Variants in TASOR2 observed in about 807,000 individuals in gnomAD.
The protein encoded by TASOR2 is transcription activation suppressor family member 2, also known as protein TASOR 2.
TASOR2 carries 84 observed loss-of-function variants against 199.5 expected under a neutral mutation model. The observed-to-expected ratio is 0.42, with a 90% CI of 0.35 to 0.50. The LOEUF (loss-of-function observed/expected upper bound fraction) is 0.50, where lower values mean the gene tolerates loss of function less well. Ranked by LOEUF, TASOR2 falls within the 20% of genes least tolerant of loss-of-function variation. TASOR2 has a pLI of 0.02. For missense variants in TASOR2, 2,796 were observed against 2,835.9 expected (o/e 0.99, Z 0.32); for synonymous variants, 1,103 against 1,046.6 (o/e 1.05, Z -1.04).
intron 1 of TASOR2, among the ~76,000 whole-genome samples, chr10:5,707,744 A>G (rs1207956504): frequency 2.4e-5 from 2 of 82,102 alleles, no homozygotes; most frequent in African/African-American, 6.4e-5. Context: ...ACACACACAC[A>G]CACACACACA....
intron 1 of TASOR2, among the ~76,000 whole-genome samples, chr10:5,700,649 C>T (rs1268647592): frequency 2.0e-5 from 3 of 152,060 alleles, no homozygotes; most frequent in South Asian, 4.1e-4. Flanking sequence ...GATGATGTCT[C>T]GTAGTTTTGA....
intron 1 of TASOR2, among the ~76,000 whole-genome samples, chr10:5,707,918 G>T (rs1352984630): frequency 6.6e-6 from 1 of 152,102 alleles, no homozygotes; most frequent in Non-Finnish European, 1.5e-5. Flanking sequence ...AGCACCTAGT[G>T]AGTTCAATAG....
chr10:5,688,007 A>G (rs1049231717), intron 1 of TASOR2, among the ~76,000 whole-genome samples: 1 of 152,246 alleles, frequency 6.6e-6, no homozygotes, highest in Non-Finnish European at 1.5e-5. Context: ...GGATTTTTGT[A>G]CATTTTTGCA....
chr10:5,726,985 A>G (rs375592170), intron 9 of TASOR2, 28 bp downstream of exon 10: 53 of 1,613,056 alleles, frequency 3.3e-5, no homozygotes, highest in Non-Finnish European at 4.0e-5. Flanking sequence ...GGGAAAAAAT[A>G]TTTTTCATTA....
chr10:5,693,535 C>T lies in TASOR2; in HGVS notation c.-288+8360C>T, dbSNP rs189905933. Among the ~76,000 whole-genome samples, 17 of 152,202 alleles carry T rather than the reference C, an allele frequency of 1.1e-4. No individual in the cohort carries two copies. In the East Asian group the frequency reaches 2.3e-3, roughly 21 times the overall value. ...TTTTCTGGGTCTCTGTTTTGACTTA[C>T]GGGAAATGCTATTTGTTTTCTCTAC... On this transcript the variant is annotated intron_variant, in intron 1 of 20. Coordinates refer to ENST00000328090, the Ensembl canonical transcript of TASOR2.
chr10:5,730,554 T>C lies in TASOR2; in HGVS notation c.555T>C (p.Asn185=). 2.5e-6 allele frequency: 4 copies of C among 1,614,088 alleles called. No individual in the cohort carries two copies. Among genetic ancestry groups the C allele is most frequent in the Non-Finnish European group, 3.4e-6 (4 of 1,179,992 alleles). Residue 185 remains asparagine, a synonymous_variant, in exon 11 of 21, where the codon AAT becomes AAC. Coordinates refer to ENST00000328090, the Ensembl canonical transcript of TASOR2. The surrounding 1 kb of genome is among the most constrained non-coding windows in gnomAD (Gnocchi z 4.1). ...TGATACCTATTTTATCTACCCTTAATTGTGCCCTGCTAGAAACAAAGAAAT... is the reference window on the plus strand; with the variant it reads ...TGATACCTATTTTATCTACCCTTAACTGTGCCCTGCTAGAAACAAAGAAAT...
intron 11 of TASOR2, among the ~76,000 whole-genome samples, 159 bp downstream of exon 12, chr10:5,731,362 C>G (rs563171230): frequency 7.7e-4 from 118 of 152,328 alleles, no homozygotes; most frequent in African/African-American, 2.8e-3. Flanking sequence ...CACCCTGTCT[C>G]TACTAAAAAT....
At chr10:5,735,764 C>T (rs1835485888) in intron 12 of TASOR2, among the ~76,000 whole-genome samples, 1 of 152,124 alleles carries the variant, frequency 6.6e-6, no homozygotes, top group African/African-American at 2.4e-5. Context: ...ATAGAGCCTA[C>T]TTTTTACTTT....
At chr10:5,688,259 C>G (rs963481030) in intron 1 of TASOR2, among the ~76,000 whole-genome samples, 4 of 152,160 alleles carry the variant, frequency 2.6e-5, no homozygotes, top group Non-Finnish European at 4.4e-5. Context: ...GTGTCTTGCT[C>G]TGTCGCCCAG....
intron 1 of TASOR2, among the ~76,000 whole-genome samples, chr10:5,708,141 A>T (rs1831366243): frequency 6.6e-6 from 1 of 152,230 alleles, no homozygotes; most frequent in Non-Finnish European, 1.5e-5. Flanking sequence ...CAGACTCATG[A>T]TAAAAACTGA....
chr10:5,720,701 A>G lies in TASOR2; in HGVS notation c.26+33A>G. On this transcript the variant is annotated intron_variant, in intron 4 of 20. Transcript: ENST00000328090. This position sits in a 1 kb window ranked among gnomAD's most constrained non-coding sequence, Gnocchi z 5.3. ...ATTATGTGCATGCTTTGTTTTACTG[A>G]ATTTGTTCCTTTTACTCTTGTAAAC... 6.2e-7 allele frequency: 1 copy of G among 1,613,922 alleles called. No individual in the cohort carries two copies. Among genetic ancestry groups the G allele is most frequent in the Non-Finnish European group, 8.5e-7 (1 of 1,179,960 alleles).
rs1230711072 is a variant in TASOR2, at chr10:5,720,681, G to T, written c.26+13G>T. 1.2e-6 allele frequency: 2 copies of T among 1,613,872 alleles called. No homozygotes were observed. Among genetic ancestry groups the T allele is most frequent in the Non-Finnish European group, 1.7e-6 (2 of 1,179,982 alleles). On this transcript the variant is annotated intron_variant, in intron 4 of 20. Transcript: ENST00000328090. This position sits in a 1 kb window ranked among gnomAD's most constrained non-coding sequence, Gnocchi z 5.3. ...CTCATAAAAGCATGTAAGTAATTAT[G>T]TGCATGCTTTGTTTTACTGAATTTG...
chr10:5,702,343 A>C (rs927565987), intron 1 of TASOR2, among the ~76,000 whole-genome samples: 1 of 152,014 alleles, frequency 6.6e-6, no homozygotes, highest in Non-Finnish European at 1.5e-5. Context: ...TGTGTTTTTA[A>C]ATTTGATTTA....
At chr10:5,759,995 A>G (rs1839555417) in intron 18 of TASOR2, among the ~76,000 whole-genome samples, 1 of 152,220 alleles carries the variant, frequency 6.6e-6, no homozygotes, top group African/African-American at 2.4e-5. Context: ...AATAAGCATA[A>G]ATCAATCTAG....
rs543945941 is a variant in TASOR2, at chr10:5,685,284, G to T, written c.-288+109G>T. ...GGGGCTTGGCTGCGAGGGTCGACGCGTTCTCCTTGCCTTTTGCCGCGCTCC... is the reference window on the plus strand; with the variant it reads ...GGGGCTTGGCTGCGAGGGTCGACGCTTTCTCCTTGCCTTTTGCCGCGCTCC... On this transcript the variant is annotated intron_variant, in intron 1 of 20. Coordinates refer to ENST00000328090, the Ensembl canonical transcript of TASOR2. The surrounding 1 kb of genome is among the most constrained non-coding windows in gnomAD (Gnocchi z 5.4). The T allele has an allele frequency of 2.0e-5, 8 of 396,650 alleles. No individual in the cohort carries two copies. Among genetic ancestry groups the T allele is most frequent in the African/African-American group, 4.1e-5 (2 of 48,566 alleles). 24.6% of individuals were successfully genotyped at this position (396,650 alleles called of 1,614,324 possible).
chr10:5,715,221 C>CTT (rs58686940), intron 2 of TASOR2, among the ~76,000 whole-genome samples: 8 of 85,926 alleles, frequency 9.3e-5, no homozygotes, highest in African/African-American at 3.5e-4. Context: ...TCCTGCTGAC[C>CTT]TTTTTTTTTT....
intron 1 of TASOR2, among the ~76,000 whole-genome samples, chr10:5,696,314 C>T (rs1245119288): frequency 6.6e-6 from 1 of 152,166 alleles, no homozygotes; most frequent in South Asian, 2.1e-4. Context: ...AGAGTACAGC[C>T]GCTGGTCAGG....
At position 5,687,572 on chromosome 10, in the gene TASOR2, C is replaced by T. The variant is rs1213039567; in HGVS notation, c.-288+2397C>T. On this transcript the variant is annotated intron_variant, in intron 1 of 20. Transcript: ENST00000328090. This position sits in a 1 kb window ranked among gnomAD's most constrained non-coding sequence, Gnocchi z 4.8. ...CGGTGGCCCACGCCTGTAATCCCAG[C>T]ACTTTGGGAGGCCAAGGCAGGTGGA... Among the ~76,000 whole-genome samples, 8 of 152,346 alleles carry T rather than the reference C, an allele frequency of 5.3e-5. No homozygotes were observed. Among genetic ancestry groups the T allele is most frequent in the African/African-American group, 1.7e-4 (7 of 41,576 alleles).
At position 5,731,509 on chromosome 10, in the gene TASOR2, C is replaced by T. The variant is rs911225089; in HGVS notation, c.1204+306C>T. On this transcript the variant is annotated intron_variant, in intron 11 of 20. Transcript: ENST00000328090. Reference sequence around the variant, plus strand: ...CGCCATTGCGCTCCCGCCTGGGTGACGAGCAAATCTCCATCTCAATAATAA... The same window carrying T: ...CGCCATTGCGCTCCCGCCTGGGTGATGAGCAAATCTCCATCTCAATAATAA... Among the ~76,000 whole-genome samples, 6 of 152,208 alleles carry T rather than the reference C, an allele frequency of 3.9e-5. No individual in the cohort carries two copies. In the East Asian group the frequency reaches 5.8e-4, roughly 15 times the overall value.
Sources: allele counts gnomAD v4.1 joint callset (sites outside exome capture counted in the v4.1 genomes callset), GRCh38; gene constraint gnomAD v4.1.1; non-coding constraint Gnocchi (gnomAD v3.1); transcripts MANE v1.5; gene names NCBI Gene and HGNC (gene_info 2026-07-23, HGNC 2026-07-21).